The following ETV1 variants were observed in gnomAD, a reference collection of about 807,000 sequenced individuals.
The protein encoded by ETV1 is ETS translocation variant 1.
ETV1 carries 27 observed loss-of-function variants against 62.3 expected under a neutral mutation model. The observed-to-expected ratio is 0.43, with a 90% CI of 0.32 to 0.60. The LOEUF is 0.60. Ranked by LOEUF, ETV1 falls within the 20% of genes least tolerant of loss-of-function variation. The pLI is 0.06. For synonymous variants in ETV1, 222 were observed against 199.6 expected (o/e 1.11, Z -0.94); for missense variants, 605 against 605.8 (o/e 1.00, Z 0.01).
At position 13,940,645 on chromosome 7, in the gene ETV1, T is replaced by C. The variant is rs530327467; in HGVS notation, c.236-1399A>G. 3.3e-5 allele frequency among the ~76,000 whole-genome samples: 5 copies of C among 152,206 alleles called. No individual in the cohort carries two copies. In the South Asian group the frequency reaches 1.0e-3, roughly 32 times the overall value. On this transcript the variant is annotated intron_variant, in intron 6 of 13. Transcript: ENST00000430479. Reference sequence around the variant, plus strand: ...TATAGAAACTGAAATTAAAACACAGTATGTTAAGTCCGCTTTCCAAAAAGG... The same window carrying C: ...TATAGAAACTGAAATTAAAACACAGCATGTTAAGTCCGCTTTCCAAAAAGG...
At chr7:13,927,174 T>C (rs62454580) in intron 9 of ETV1, among the ~76,000 whole-genome samples, 11,770 of 152,140 alleles carry the variant, frequency 0.077, 836 homozygotes, top group African/African-American at 0.19. Flanking sequence ...TACGGCAGGG[T>C]GCAGTGGCTC....
chr7:13,928,746 T>A (rs1785732622), intron 9 of ETV1, among the ~76,000 whole-genome samples: 1 of 152,036 alleles, frequency 6.6e-6, no homozygotes, highest in African/African-American at 2.4e-5. Context: ...TCACCAGAGG[T>A]CAGGAGTTTG....
intron 6 of ETV1, among the ~76,000 whole-genome samples, chr7:13,951,493 T>C (rs901032536): frequency 2.0e-5 from 3 of 152,148 alleles, no homozygotes; most frequent in African/African-American, 7.2e-5. Flanking sequence ...ACACTACGTA[T>C]AAAGTGTGTA....
intron 6 of ETV1, among the ~76,000 whole-genome samples, chr7:13,967,223 A>G (rs1780385554): frequency 6.6e-6 from 1 of 152,148 alleles, no homozygotes; most frequent in Non-Finnish European, 1.5e-5. Context: ...GTCCATCACA[A>G]CTCAAGCCTC....
intron 5 of ETV1, among the ~76,000 whole-genome samples, chr7:13,983,384 G>C (rs2128508806): frequency 6.6e-6 from 1 of 151,882 alleles, no homozygotes; most frequent in African/African-American, 2.4e-5. Flanking sequence ...TTTTGTTCTG[G>C]ATACACAAGA....
At position 13,932,627 on chromosome 7, in the gene ETV1, C is replaced by T. The variant is rs1583684289; in HGVS notation, c.555-878G>A. Among the ~76,000 whole-genome samples, 4 of 152,150 alleles carry T rather than the reference C, an allele frequency of 2.6e-5. No homozygotes were observed. In the South Asian group the frequency reaches 8.3e-4, roughly 31 times the overall value. ...CTTGGTTATACTTTATAACAATTGG[C>T]TAATCACATAATCGTTCTGTTCTGT... is the stretch of plus-strand genomic sequence containing the variant. On this transcript the variant is annotated intron_variant, in intron 8 of 13. Coordinates refer to ENST00000430479, the MANE Select transcript of ETV1 (RefSeq NM_004956.5).
intron 9 of ETV1, among the ~76,000 whole-genome samples, chr7:13,912,761 C>A (rs867183238): frequency 6.6e-6 from 1 of 152,086 alleles, no homozygotes; most frequent in South Asian, 2.1e-4. Flanking sequence ...TTTATACAGT[C>A]CAGAGAAGCC....
intron 13 of ETV1, among the ~76,000 whole-genome samples, chr7:13,899,637 C>T (rs528005353): frequency 2.0e-5 from 3 of 152,206 alleles, no homozygotes; most frequent in African/African-American, 7.2e-5. Flanking sequence ...CAAAATAAAA[C>T]TGTAACGTTC....
chr7:13,897,501 C>T (rs1781968231), intron 13 of ETV1, among the ~76,000 whole-genome samples: 2 of 152,044 alleles, frequency 1.3e-5, no homozygotes, highest in African/African-American at 4.8e-5. Flanking sequence ...AAAGAATGAA[C>T]ATTTAGTAGT....
chr7:13,917,760 C>T (rs922448928), intron 9 of ETV1, among the ~76,000 whole-genome samples: 2 of 152,018 alleles, frequency 1.3e-5, no homozygotes, highest in South Asian at 4.2e-4. Flanking sequence ...GTCAGGAGAT[C>T]GAGACCATCC....
rs536746399 is a variant in ETV1, at chr7:13,938,007, G to A, written c.365+1110C>T. Among the ~76,000 whole-genome samples the A allele has an allele frequency of 9.2e-5, 14 of 152,266 alleles. No homozygotes were observed. The South Asian group carries it at 1.4e-3, about 16-fold the overall frequency. ...GTTGCCCAGGCTGGAGTGCAATGGC[G>A]CGATCTCGGCTCACAGCAACCTCCA... On this transcript the variant is annotated intron_variant, in intron 7 of 13. Coordinates refer to ENST00000430479, the MANE Select transcript of ETV1 (RefSeq NM_004956.5).
intron 7 of ETV1, among the ~76,000 whole-genome samples, chr7:13,936,454 A>G (rs1267805598): frequency 6.6e-6 from 1 of 152,180 alleles, no homozygotes; most frequent in Non-Finnish European, 1.5e-5. Context: ...CCCACATGGG[A>G]TAATGAAGAT....
intron 6 of ETV1, among the ~76,000 whole-genome samples, chr7:13,974,081 A>G (rs773948292): frequency 5.3e-5 from 8 of 152,218 alleles, no homozygotes; most frequent in South Asian, 2.1e-4. Flanking sequence ...CTATAATACA[A>G]TAAATATAAT....
intron 6 of ETV1, among the ~76,000 whole-genome samples, chr7:13,952,080 G>T (rs545936185): frequency 6.6e-6 from 1 of 152,088 alleles, no homozygotes; most frequent in Non-Finnish European, 1.5e-5. Context: ...CATGGAAAAC[G>T]TCAGTTAGGA....
chr7:13,900,584 G>A (rs1583558370), intron 13 of ETV1, 154 bp downstream of exon 13: 1 of 574,326 alleles, frequency 1.7e-6, no homozygotes, highest in East Asian at 2.9e-5. Context: ...TTTATACATA[G>A]AAAGGCTTGT....
At chr7:13,912,169 G>C (rs535696789) in intron 9 of ETV1, among the ~76,000 whole-genome samples, 1 of 152,274 alleles carries the variant, frequency 6.6e-6, no homozygotes, top group African/African-American at 2.4e-5. Context: ...GAGGCAGCCA[G>C]AGGAAAACAG....
At chr7:13,968,446 G>C (rs1780527709) in intron 6 of ETV1, among the ~76,000 whole-genome samples, 1 of 151,442 alleles carries the variant, frequency 6.6e-6, no homozygotes, top group East Asian at 2.0e-4. Context: ...ATAGTGAAAA[G>C]TATCTACTAG....
intron 9 of ETV1, among the ~76,000 whole-genome samples, chr7:13,917,458 C>T (rs1005279912): frequency 1.5e-4 from 23 of 151,886 alleles, no homozygotes; most frequent in Admixed American, 1.3e-4. Context: ...GCTGGGATTA[C>T]AGGCATGCAC....
chr7:13,927,158 G>C (rs1207880129), intron 9 of ETV1, among the ~76,000 whole-genome samples: 1 of 152,158 alleles, frequency 6.6e-6, no homozygotes, highest in South Asian at 2.1e-4. Flanking sequence ...CTTAGAAAAT[G>C]CTTTTTACGG....
Sources: gnomAD v4.1 joint callset for allele counts (sites outside exome capture counted in the v4.1 genomes callset) on GRCh38, gnomAD v4.1.1 for gene constraint, MANE v1.5 for transcripts, NCBI Gene and HGNC (gene_info 2026-07-23, HGNC 2026-07-21) for gene names.